MSH3: variants seen among roughly 807,000 people sequenced by gnomAD.
MSH3 encodes the protein DNA mismatch repair protein Msh3.
Under a neutral mutation model 123.3 loss-of-function variants are expected in MSH3, and 106 were observed. The ratio of observed to expected loss-of-function variants is 0.86; its 90% confidence interval spans 0.73 to 1.01. The LOEUF is 1.01. MSH3 is among the 50% of genes least tolerant of loss of function. The probability of loss-of-function intolerance (pLI) is 0.00; values close to 1 mark genes in which losing one functional copy is unlikely to be tolerated. For synonymous variants in MSH3, 515 were observed against 481.4 expected (o/e 1.07, Z -0.91); for missense variants, 1,459 against 1,347.6 (o/e 1.08, Z -1.29).
At chr5:80,805,407 C>T (rs1253296374) in intron 19 of MSH3, among the ~76,000 whole-genome samples, 3 of 152,088 alleles carry the variant, frequency 2.0e-5, no homozygotes, top group Admixed American at 6.6e-5. Context: ...TCCCCTAATG[C>T]ACACAATTAA....
At chr5:80,673,674 C>G (rs1445516951) in intron 6 of MSH3, among the ~76,000 whole-genome samples, 2 of 152,156 alleles carry the variant, frequency 1.3e-5, no homozygotes, top group Non-Finnish European at 2.9e-5. Context: ...AATTTTATTA[C>G]TTTTGAAAAT....
intron 2 of MSH3, 59 bp downstream of exon 2, chr5:80,656,590 C>G: frequency 6.2e-7 from 1 of 1,608,840 alleles, no homozygotes; most frequent in Non-Finnish European, 8.5e-7. Context: ...CTGGAATTCT[C>G]CAGAGGGCAG....
At chr5:80,665,439 C>A in intron 3 of MSH3, 76 bp downstream of exon 3, 1 of 1,083,208 alleles carries the variant, frequency 9.2e-7, no homozygotes, top group Non-Finnish European at 1.4e-6. Context: ...TCTCTGAGGT[C>A]ATTCATGGCA....
At chr5:80,670,540 C>T (rs1749681940) in intron 4 of MSH3, among the ~76,000 whole-genome samples, 1 of 152,068 alleles carries the variant, frequency 6.6e-6, no homozygotes, top group Non-Finnish European at 1.5e-5. Context: ...CGCTTATTCT[C>T]CGTGGTACTA....
intron 19 of MSH3, among the ~76,000 whole-genome samples, chr5:80,809,989 A>AT (rs1242322917): frequency 6.6e-6 from 1 of 151,926 alleles, no homozygotes; most frequent in Non-Finnish European, 1.5e-5. Context: ...TGTCGTAGAG[A>AT]TTGACGTTTT....
rs1162265656 is a variant in MSH3 at position 80,872,061 on chromosome 5, G to C, written c.3131-1055G>C. Among the ~76,000 whole-genome samples the C allele has an allele frequency of 2.6e-5, 4 of 152,304 alleles. No individual in the cohort carries two copies. The South Asian group carries it at 8.3e-4, about 32-fold the overall frequency. On this transcript the variant is annotated intron_variant, in intron 22 of 23. Transcript: ENST00000265081. ...TCCTAAGTGGGATCTGGGTGGTACT[G>C]AACAGAATCCGGTATGTATAGCTCT...
chr5:80,738,629 G>A (rs929433555), intron 10 of MSH3, among the ~76,000 whole-genome samples: 4 of 152,134 alleles, frequency 2.6e-5, no homozygotes, highest in South Asian at 2.1e-4. Context: ...CCATACCACC[G>A]TGAAAAATTA....
At chr5:80,862,866 G>C (rs921703509) in intron 21 of MSH3, among the ~76,000 whole-genome samples, 1 of 152,100 alleles carries the variant, frequency 6.6e-6, no homozygotes, top group East Asian at 1.9e-4. Flanking sequence ...GAATACCAAC[G>C]AATAAATGTA....
At chr5:80,819,343 T>A (rs1745159995) in intron 20 of MSH3, among the ~76,000 whole-genome samples, 1 of 132,712 alleles carries the variant, frequency 7.5e-6, no homozygotes, top group Non-Finnish European at 1.6e-5. Context: ...TGTGTGTGTG[T>A]GTATATATAT....
intron 8 of MSH3, among the ~76,000 whole-genome samples, chr5:80,680,102 A>AT (rs1253749416): frequency 1.3e-5 from 2 of 151,868 alleles, no homozygotes; most frequent in African/African-American, 2.4e-5. Context: ...AAAAAAAAAA[A>AT]TACAAAAATT....
At chr5:80,797,138 A>T (rs1044767014) in intron 19 of MSH3, among the ~76,000 whole-genome samples, 1 of 148,548 alleles carries the variant, frequency 6.7e-6, no homozygotes, top group African/African-American at 2.5e-5. Context: ...CTTGGATGTC[A>T]GCTCTTGCAC....
intron 14 of MSH3, among the ~76,000 whole-genome samples, 183 bp downstream of exon 14, chr5:80,768,303 A>C (rs1744159030): frequency 6.6e-6 from 1 of 152,112 alleles, no homozygotes; most frequent in Admixed American, 6.5e-5. Flanking sequence ...TTGCTACCTA[A>C]AATTTAGGCA....
chr5:80,701,824 T>C (rs1750616598), intron 8 of MSH3, among the ~76,000 whole-genome samples: 1 of 152,138 alleles, frequency 6.6e-6, no homozygotes, highest in Non-Finnish European at 1.5e-5. Flanking sequence ...GCTTTGAGAT[T>C]ATTTTCTTAT....
At chr5:80,713,028 A>G (rs1330756047) in intron 8 of MSH3, among the ~76,000 whole-genome samples, 3 of 152,288 alleles carry the variant, frequency 2.0e-5, no homozygotes, top group South Asian at 2.1e-4. Context: ...ATTATTACCA[A>G]TGAGTTCACT....
At chr5:80,835,546 C>G (rs1745493541) in intron 20 of MSH3, among the ~76,000 whole-genome samples, 1 of 152,116 alleles carries the variant, frequency 6.6e-6, no homozygotes, top group South Asian at 2.1e-4. Flanking sequence ...ATAGGAAAGG[C>G]ATTTTTACAC....
intron 20 of MSH3, among the ~76,000 whole-genome samples, chr5:80,820,998 G>A (rs1485374040): frequency 1.3e-5 from 2 of 152,150 alleles, no homozygotes; most frequent in Admixed American, 1.3e-4. Flanking sequence ...CGGCAATTCA[G>A]CTCTCTTCAC....
chr5:80,696,485 G>A (rs954364355), intron 8 of MSH3, among the ~76,000 whole-genome samples: 15 of 152,138 alleles, frequency 9.9e-5, no homozygotes, highest in Non-Finnish European at 2.2e-4. Context: ...TTTTTTGTCT[G>A]TGCCTGTTGG....
chr5:80,770,573 G>A (rs930967486), intron 15 of MSH3, among the ~76,000 whole-genome samples: 8 of 152,040 alleles, frequency 5.3e-5, no homozygotes, highest in Admixed American at 6.6e-5. Context: ...CAGTTTGTTG[G>A]AAAGAAAACC....
intron 8 of MSH3, among the ~76,000 whole-genome samples, chr5:80,701,554 C>CT (rs1165331988): frequency 6.6e-6 from 1 of 152,170 alleles, no homozygotes; most frequent in Non-Finnish European, 1.5e-5. Context: ...CTCAGGATCT[C>CT]TTTATTTTTT....
Sources: gnomAD v4.1 joint callset for allele counts (sites outside exome capture counted in the v4.1 genomes callset) on GRCh38, gnomAD v4.1.1 for gene constraint, MANE v1.5 for transcripts, NCBI Gene and HGNC (gene_info 2026-07-23, HGNC 2026-07-21) for gene names.